Variants in ROBO1 observed in about 807,000 individuals in gnomAD.
The protein encoded by ROBO1 is roundabout homolog 1.
In ROBO1, 149 loss-of-function variants were observed where a neutral mutation model predicts 195.9. The ratio of observed to expected loss-of-function variants is 0.76; its 90% CI spans 0.67 to 0.87. The LOEUF (loss-of-function observed/expected upper bound fraction) is 0.87, where lower values mean the gene tolerates loss of function less well. Among genes scored for constraint, ROBO1 ranks in the 40% least tolerant of loss-of-function variants. ROBO1 has a pLI of 0.00. For synonymous variants in ROBO1, 816 were observed against 733.2 expected, an observed-to-expected ratio of 1.11 and a Z score of -1.82; for missense variants, 1,933 against 2,068.3, an observed-to-expected ratio of 0.93 and a Z score of 1.27.
intron 2 of ROBO1, among the ~76,000 whole-genome samples, chr3:79,321,397 T>A (rs915587493): frequency 2.6e-5 from 4 of 152,256 alleles, no homozygotes; most frequent in Non-Finnish European, 5.9e-5. Flanking sequence ...ATACATGCTA[T>A]CTTTTGTGCT....
intron 2 of ROBO1, among the ~76,000 whole-genome samples, chr3:79,546,148 G>T (rs140968117): frequency 4.0e-4 from 61 of 151,854 alleles, no homozygotes; most frequent in African/African-American, 1.4e-3. Context: ...AATATTAATA[G>T]TAATAGTAAT....
intron 2 of ROBO1, among the ~76,000 whole-genome samples, chr3:79,332,652 G>T (rs905018369): frequency 1.3e-5 from 2 of 151,390 alleles, no homozygotes; most frequent in African/African-American, 4.9e-5. Context: ...CAGCTACAAC[G>T]TTAAAATTAA....
At chr3:79,191,791 T>C (rs2081545329) in intron 2 of ROBO1, among the ~76,000 whole-genome samples, 1 of 151,484 alleles carries the variant, frequency 6.6e-6, no homozygotes, top group African/African-American at 2.4e-5. Context: ...GTATCTTTTT[T>C]GCACATTTAA....
intron 4 of ROBO1, among the ~76,000 whole-genome samples, chr3:78,821,913 A>G (rs753906647): frequency 1.3e-5 from 2 of 152,182 alleles, no homozygotes; most frequent in African/African-American, 2.4e-5. Flanking sequence ...ATTCAGACAG[A>G]GAAGAAGAAG....
chr3:78,667,521 T>C (rs1187819605), intron 14 of ROBO1, among the ~76,000 whole-genome samples: 1 of 152,026 alleles, frequency 6.6e-6, no homozygotes, highest in Non-Finnish European at 1.5e-5. Flanking sequence ...TAACTATTCT[T>C]TTTTTTGTAC....
chr3:79,598,757 C>G (rs1181657923), intron 1 of ROBO1, among the ~76,000 whole-genome samples: 1 of 151,988 alleles, frequency 6.6e-6, no homozygotes, highest in Non-Finnish European at 1.5e-5. Context: ...ACTACAACCT[C>G]AGCTGGTGCT....
chr3:79,253,132 C>G (rs1283209133), intron 2 of ROBO1, among the ~76,000 whole-genome samples: 8 of 152,088 alleles, frequency 5.3e-5, no homozygotes, highest in Non-Finnish European at 1.0e-4. Context: ...AAATTCAATA[C>G]AAATCAATTA....
Position 79,736,664 on chromosome 3 carries a change from G to A in ROBO1, c.-51+31088C>T, listed in dbSNP as rs59239923. On this transcript the variant is annotated intron_variant, in intron 1 of 30. Transcript: ENST00000464233. ...GTGGACAATGTTAATCATATTGCAT[G>A]TCAGGCTACTCCTGAGATCATCCAA... Among the ~76,000 whole-genome samples, 288 of 152,254 alleles carry A rather than the reference G, an allele frequency of 1.9e-3. 9 individuals are homozygous for A. In the East Asian group the frequency reaches 0.047, roughly 25 times the overall value.
chr3:78,856,830 T>C (rs1031175281), intron 4 of ROBO1, among the ~76,000 whole-genome samples: 1 of 150,500 alleles, frequency 6.6e-6, no homozygotes, highest in African/African-American at 2.4e-5. Flanking sequence ...TTAAAATACA[T>C]TTGCGCATTC....
chr3:79,758,715 A>T lies in ROBO1; in HGVS notation c.-51+9037T>A, dbSNP rs186871003. Reference sequence around the variant, plus strand: ...CAGAGTGGTGTGTTGAGGGAGGGTAAAGTGTACCTTGTATTGTAAGGCAGA... The same window carrying T: ...CAGAGTGGTGTGTTGAGGGAGGGTATAGTGTACCTTGTATTGTAAGGCAGA... On this transcript the variant is annotated intron_variant, in intron 1 of 30. Coordinates refer to ENST00000464233, the MANE Select transcript of ROBO1 (RefSeq NM_002941.4). Among the ~76,000 whole-genome samples, 189 of 152,252 alleles carry T rather than the reference A, an allele frequency of 1.2e-3. 1 individual carries two copies. The highest frequency in any genetic ancestry group is 4.4e-3 in the African/African-American group (181 of 41,552).
chr3:79,760,262 A>AAAAAAAAAAAAAAAAC, intron 1 of ROBO1, among the ~76,000 whole-genome samples: 1 of 146,620 alleles, frequency 6.8e-6, no homozygotes, highest in Admixed American at 6.8e-5. Flanking sequence ...AAAAAAAAAA[A>AAAAAAAAAAAAAAAAC]AAAAAAAAAG....
chr3:79,579,112 T>C (rs1368137173), intron 2 of ROBO1, among the ~76,000 whole-genome samples: 2 of 152,312 alleles, frequency 1.3e-5, no homozygotes, highest in South Asian at 2.1e-4. Context: ...GGCAGTAATT[T>C]TGATGTGACT....
chr3:79,489,737 GACAA>G (rs202111080), intron 2 of ROBO1, among the ~76,000 whole-genome samples: 1,807 of 151,562 alleles, frequency 0.012, 33 homozygotes, highest in African/African-American at 0.04. Flanking sequence ...ACACCATACA[GACAA>G]ACAAAATATG....
chr3:79,061,286 A>G (rs2078912394), intron 3 of ROBO1, among the ~76,000 whole-genome samples: 3 of 152,152 alleles, frequency 2.0e-5, no homozygotes, highest in African/African-American at 7.2e-5. Flanking sequence ...TAGAAATCCA[A>G]CTTACAAGGG....
intron 4 of ROBO1, among the ~76,000 whole-genome samples, chr3:78,761,827 A>T (rs2083112863): frequency 6.6e-6 from 1 of 152,144 alleles, no homozygotes; most frequent in Non-Finnish European, 1.5e-5. Flanking sequence ...TCACACACTC[A>T]CATTATAATT....
At chr3:78,916,095 C>CA (rs1303658117) in intron 4 of ROBO1, among the ~76,000 whole-genome samples, 2 of 150,984 alleles carry the variant, frequency 1.3e-5, no homozygotes, top group Middle Eastern at 3.2e-3. Flanking sequence ...ACTAAAAATA[C>CA]AAAAAATTAG....
intron 4 of ROBO1, among the ~76,000 whole-genome samples, chr3:78,891,999 G>C (rs1370781684): frequency 6.6e-6 from 1 of 152,202 alleles, no homozygotes; most frequent in African/African-American, 2.4e-5. Flanking sequence ...TTCTTGACTT[G>C]TGGTTACACG....
intron 1 of ROBO1, among the ~76,000 whole-genome samples, chr3:79,612,812 G>T (rs1292960607): frequency 5.9e-3 from 2 of 340 alleles, no homozygotes; most frequent in Admixed American, 0.059. Flanking sequence ...GTGTTTTTTG[G>T]CTGCATAAAT....
intron 1 of ROBO1, among the ~76,000 whole-genome samples, chr3:79,717,453 G>GA (rs1702535567): frequency 6.6e-6 from 1 of 151,908 alleles, no homozygotes; most frequent in Non-Finnish European, 1.5e-5. Context: ...GGTGAGCCAG[G>GA]AAAAATATAT....
Sources: allele counts gnomAD v4.1 joint callset (sites outside exome capture counted in the v4.1 genomes callset), GRCh38; gene constraint gnomAD v4.1.1; transcripts MANE v1.5; gene names NCBI Gene and HGNC (gene_info 2026-07-23, HGNC 2026-07-21).